DGKG: variants seen among roughly 807,000 people sequenced by gnomAD.
The protein encoded by DGKG is DAG kinase gamma.
In DGKG, 78 loss-of-function variants were observed where a neutral mutation model predicts 105.3. The observed-to-expected ratio is 0.74, with a 90% confidence interval of 0.62 to 0.89. The LOEUF (loss-of-function observed/expected upper bound fraction) is 0.89, where lower values mean the gene tolerates loss of function less well. Ranked by LOEUF, DGKG falls within the 40% of genes least tolerant of loss-of-function variation. DGKG has a pLI of 0.00. For missense variants in DGKG, 958 were observed against 1,020.1 expected, an observed-to-expected ratio of 0.94 and a Z score of 0.83; for synonymous variants, 346 against 367.1, an observed-to-expected ratio of 0.94 and a Z score of 0.66.
intron 21 of DGKG, among the ~76,000 whole-genome samples, chr3:186,191,022 C>T (rs1399273647): frequency 6.6e-6 from 1 of 151,946 alleles, no homozygotes; most frequent in African/African-American, 2.4e-5. Context: ...AGGGAAGATG[C>T]CTCTCATCTT....
intron 5 of DGKG, among the ~76,000 whole-genome samples, chr3:186,293,576 T>C (rs982901218): frequency 6.6e-5 from 10 of 152,206 alleles, no homozygotes; most frequent in African/African-American, 2.4e-4. Context: ...CTGACAGTGA[T>C]AGATTGCTCA....
At chr3:186,311,449 T>C (rs1253828463) in intron 2 of DGKG, among the ~76,000 whole-genome samples, 1 of 152,164 alleles carries the variant, frequency 6.6e-6, no homozygotes, top group Non-Finnish European at 1.5e-5. Flanking sequence ...GGAGCATGTT[T>C]TGCATTCACC....
At chr3:186,341,196 A>T (rs1726069240) in intron 1 of DGKG, among the ~76,000 whole-genome samples, 1 of 152,238 alleles carries the variant, frequency 6.6e-6, no homozygotes, top group Admixed American at 6.5e-5. Context: ...GGATTCTGGG[A>T]TAACAAAGAA....
intron 22 of DGKG, among the ~76,000 whole-genome samples, chr3:186,175,032 A>G (rs1380093440): frequency 6.6e-6 from 1 of 152,156 alleles, no homozygotes; most frequent in Non-Finnish European, 1.5e-5. Flanking sequence ...GGGAGAAGCG[A>G]CATGTGGGCC....
chr3:186,317,472 A>G lies in DGKG; in HGVS notation c.67+2921T>C, dbSNP rs114937066. On this transcript the variant is annotated intron_variant, in intron 2 of 24. Transcript: ENST00000265022. ...TTCTTAGAAAGCAGGATTCCCCAGGATGGGGTCCTACTTTCCTTTCTAGTT... is the reference window on the plus strand; with the variant it reads ...TTCTTAGAAAGCAGGATTCCCCAGGGTGGGGTCCTACTTTCCTTTCTAGTT... Among the ~76,000 whole-genome samples the G allele has an allele frequency of 4.8e-3, 728 of 152,202 alleles. 4 individuals carry two copies. Among genetic ancestry groups the G allele is most frequent in the Non-Finnish European group, 6.7e-3 (455 of 68,000 alleles).
chr3:186,296,347 A>C lies in DGKG; in HGVS notation c.373+1074T>G, dbSNP rs149004139. Among the ~76,000 whole-genome samples the C allele has an allele frequency of 4.0e-3, 609 of 152,348 alleles. 11 individuals carry two copies. The highest frequency in any genetic ancestry group is 0.013 in the African/African-American group (542 of 41,580). On this transcript the variant is annotated intron_variant, in intron 5 of 24. Coordinates refer to ENST00000265022, the MANE Select transcript of DGKG (RefSeq NM_001346.3). ...CTAGGTAGTGTTGGCTCTGGGAATC[A>C]AACCCAGGCATCCTGGCTCCTTAAG...
intron 22 of DGKG, among the ~76,000 whole-genome samples, chr3:186,176,862 G>C (rs896168000): frequency 3.4e-5 from 5 of 145,118 alleles, no homozygotes; most frequent in African/African-American, 1.4e-4. Flanking sequence ...AGGGGCAAAG[G>C]TCCCTGCTGA....
At chr3:186,330,902 G>A (rs902684231) in intron 1 of DGKG, among the ~76,000 whole-genome samples, 1 of 152,160 alleles carries the variant, frequency 6.6e-6, no homozygotes, top group South Asian at 2.1e-4. Context: ...ACAAGATTTT[G>A]GGGCAGTTAG....
chr3:186,203,929 C>T lies in DGKG; in HGVS notation c.1917+7866G>A, dbSNP rs56119958. 0.18 allele frequency among the ~76,000 whole-genome samples: 27,918 copies of T among 152,010 alleles called. 2,995 individuals are homozygous for T. Among genetic ancestry groups the T allele is most frequent in the Non-Finnish European group, 0.24 (16,618 of 67,934 alleles). On this transcript the variant is annotated intron_variant, in intron 21 of 24. Transcript: ENST00000265022. The surrounding 1 kb of genome is among the most constrained non-coding windows in gnomAD (Gnocchi z 4.9). Reference sequence around the variant, plus strand: ...AAGGTTCAGATCATATCAGGAGAGACCAAGACTTGAAGACCTCTTTCCCTC... The same window carrying T: ...AAGGTTCAGATCATATCAGGAGAGATCAAGACTTGAAGACCTCTTTCCCTC...
chr3:186,152,905 G>A lies in DGKG; in HGVS notation c.2278-2717C>T, dbSNP rs1248080359. Among the ~76,000 whole-genome samples, 5 of 150,464 alleles carry A rather than the reference G, an allele frequency of 3.3e-5. No individual in the cohort carries two copies. In the East Asian group the frequency reaches 7.8e-4, roughly 24 times the overall value. ...TCTCGATCTCCTGACCTCATGATCC[G>A]CCCGTGTCGGCCTCCCAAAGTGCTG... On this transcript the variant is annotated intron_variant, in intron 24 of 24. Transcript: ENST00000265022.
intron 1 of DGKG, among the ~76,000 whole-genome samples, chr3:186,343,452 TG>T: frequency 6.6e-6 from 1 of 151,950 alleles, no homozygotes; most frequent in Non-Finnish European, 1.5e-5. Context: ...CACCATGCCT[TG>T]CTAATTTTTT....
At chr3:186,221,674 T>C (rs1053279675) in intron 20 of DGKG, among the ~76,000 whole-genome samples, 11 of 152,190 alleles carry the variant, frequency 7.2e-5, no homozygotes, top group Middle Eastern at 3.2e-3. Context: ...ACAGTGAAGA[T>C]ACAGGTGGGT....
intron 22 of DGKG, among the ~76,000 whole-genome samples, chr3:186,180,100 A>T (rs1473069447): frequency 6.6e-6 from 1 of 152,144 alleles, no homozygotes; most frequent in Non-Finnish European, 1.5e-5. Context: ...ACACCATGTA[A>T]ATAAATAATT....
intron 22 of DGKG, among the ~76,000 whole-genome samples, chr3:186,178,485 A>C (rs142836784): frequency 6.6e-6 from 1 of 152,312 alleles, no homozygotes; most frequent in African/African-American, 2.4e-5. Flanking sequence ...GTGAAAAGTG[A>C]AAGGTTCCTT....
chr3:186,201,114 A>G (rs1283078280), intron 21 of DGKG, among the ~76,000 whole-genome samples: 2 of 151,214 alleles, frequency 1.3e-5, no homozygotes, highest in Admixed American at 1.3e-4. Flanking sequence ...GCTGTTTCCT[A>G]TCCACTGCTC....
chr3:186,360,203 T>C (rs1012014255), intron 1 of DGKG, among the ~76,000 whole-genome samples: 3 of 152,026 alleles, frequency 2.0e-5, no homozygotes, highest in Non-Finnish European at 2.9e-5. Flanking sequence ...TAGTAGTTAC[T>C]CCCATCTCTG....
chr3:186,269,025 C>A (rs894008831), intron 11 of DGKG, 108 bp from the exon 12 acceptor site: 2 of 734,310 alleles, frequency 2.7e-6, no homozygotes, highest in Non-Finnish European at 2.3e-6. Flanking sequence ...GCCAGAGGGA[C>A]TGTTTCCTAT....
intron 15 of DGKG, among the ~76,000 whole-genome samples, chr3:186,261,186 T>A (rs1257439874): frequency 1.3e-5 from 2 of 152,220 alleles, no homozygotes; most frequent in African/African-American, 4.8e-5. Context: ...CTGTTAATGA[T>A]CCCGGAATTG....
In DGKG at chr3:186,222,975, C is replaced by A. The variant is rs1452469992; in HGVS notation, c.1827-11090G>T. On this transcript the variant is annotated intron_variant, in intron 20 of 24. Transcript: ENST00000265022. ...ACTCTGTCTCAGGAAAACAAACAAACAAACAAACAAAAGAATACACACACG... is the reference window on the plus strand; with the variant it reads ...ACTCTGTCTCAGGAAAACAAACAAAAAAACAAACAAAAGAATACACACACG... 2.5e-5 allele frequency among the ~76,000 whole-genome samples: 3 copies of A among 120,804 alleles called. No individual in the cohort carries two copies. The Admixed American group carries it at 3.1e-4, about 12-fold the overall frequency. 79.3% of individuals were successfully genotyped at this position (120,804 alleles called of 152,430 possible). A position where few individuals can be genotyped will look rare whatever the true frequency, so the allele number is the denominator to read the frequency against.
Sources: gnomAD v4.1 joint callset for allele counts (sites outside exome capture counted in the v4.1 genomes callset) on GRCh38, gnomAD v4.1.1 for gene constraint, Gnocchi (gnomAD v3.1) non-coding constraint, MANE v1.5 for transcripts, NCBI Gene and HGNC (gene_info 2026-07-23, HGNC 2026-07-21) for gene names.